The following DOCK4 variants were observed in gnomAD, a reference collection of about 807,000 sequenced individuals.
DOCK4 encodes the protein dedicator of cytokinesis 4.
In DOCK4, 97 loss-of-function variants were observed where a neutral mutation model predicts 268.1. That is an observed-to-expected ratio of 0.36 (90% CI 0.31 to 0.43). DOCK4 has a LOEUF of 0.43. DOCK4 is among the 20% of genes least tolerant of loss of function. The pLI is 1.00. For missense variants in DOCK4, 2,145 were observed against 2,455.7 expected (o/e 0.87, Z 2.67); for synonymous variants, 954 against 887.2 (o/e 1.08, Z -1.34).
chr7:111,793,229 G>A (rs1799671991), intron 30 of DOCK4, among the ~76,000 whole-genome samples: 1 of 152,204 alleles, frequency 6.6e-6, no homozygotes, highest in Non-Finnish European at 1.5e-5. Context: ...TAGATTTGAA[G>A]GGCCATGTTG....
Position 111,755,582 on chromosome 7 carries a change from G to C in DOCK4, c.4349C>G (p.Thr1450Arg). 6.2e-7 allele frequency: 1 copy of C among 1,613,652 alleles called. No homozygotes were observed. The highest frequency in any genetic ancestry group is 8.5e-7 in the Non-Finnish European group (1 of 1,179,812). The change falls in exon 42 of 53, where the codon ACG becomes AGG. Residue 1450 changes from threonine (T) to arginine (R), a missense_variant. Thr to Arg is a moderately conservative substitution (Grantham distance 71). Coordinates refer to ENST00000428084, the MANE Select transcript of DOCK4 (RefSeq NM_001363540.2). ...CAAACTCTGCACCAAGTATAATGAC[G>C]TTCTCTCCACCCAGAGACTCTACAA... ...NEFKSLWVER[T>R]SLYLVQSLPG...
In DOCK4 at chr7:111,863,517, C is replaced by A; in HGVS notation, c.2328G>T (p.Lys776Asn). Residue 776 changes from lysine (K) to asparagine (N), a missense_variant, in exon 23 of 53, where the codon AAG becomes AAT. Coordinates refer to ENST00000428084, the MANE Select transcript of DOCK4 (RefSeq NM_001363540.2). ...TGGCTACTTCCCGGACATCAAAGAGCTTCAACAGTTCTGAGTACACGGCAG... is the reference window on the plus strand; with the variant it reads ...TGGCTACTTCCCGGACATCAAAGAGATTCAACAGTTCTGAGTACACGGCAG... The part of the protein sequence containing the change: ...SFPAVYSELL[K>N]LFDVREVANL... The A allele has an allele frequency of 6.2e-7, 1 of 1,613,760 alleles. No homozygotes were observed. The highest frequency in any genetic ancestry group is 8.5e-7 in the Non-Finnish European group (1 of 1,179,794).
At chr7:111,742,554 TC>T (rs1795988673) in intron 44 of DOCK4, among the ~76,000 whole-genome samples, 1 of 12,710 alleles carries the variant, frequency 7.9e-5, no homozygotes, top group Non-Finnish European at 2.0e-4. Context: ...CATGGCACCC[TC>T]TCCCCCCACA....
chr7:111,917,897 A>C (rs1792751300), intron 12 of DOCK4, among the ~76,000 whole-genome samples: 1 of 152,162 alleles, frequency 6.6e-6, no homozygotes, highest in Non-Finnish European at 1.5e-5. Flanking sequence ...AGGTGTGAGA[A>C]TGACATCATG....
chr7:111,838,109 AAAAG>A (rs1256249673), intron 25 of DOCK4, among the ~76,000 whole-genome samples: 1 of 151,384 alleles, frequency 6.6e-6, no homozygotes, highest in Non-Finnish European at 1.5e-5. Context: ...AAAAAAAAAA[AAAAG>A]ATGTCAATTA....
intron 1 of DOCK4, among the ~76,000 whole-genome samples, chr7:112,031,382 C>T (rs1464415850): frequency 6.6e-6 from 1 of 152,178 alleles, no homozygotes; most frequent in Non-Finnish European, 1.5e-5. Flanking sequence ...CTTTAGGAAA[C>T]CTTAATTCCA....
intron 42 of DOCK4, among the ~76,000 whole-genome samples, chr7:111,749,171 T>C (rs991409054): frequency 2.6e-5 from 4 of 152,174 alleles, no homozygotes; most frequent in African/African-American, 9.7e-5. Context: ...GTTCTGTTTC[T>C]TTACCTGAAT....
chr7:112,186,541 G>A (rs1819509098), intron 1 of DOCK4, among the ~76,000 whole-genome samples: 1 of 152,142 alleles, frequency 6.6e-6, no homozygotes, highest in South Asian at 2.1e-4. Flanking sequence ...CTTGGCATAG[G>A]GCCTGACACC....
intron 35 of DOCK4, among the ~76,000 whole-genome samples, chr7:111,782,417 AAAG>A (rs1189994492): frequency 6.6e-6 from 1 of 152,232 alleles, no homozygotes; most frequent in African/African-American, 2.4e-5. Context: ...TTTGTTCACA[AAAG>A]AAGAGATCAC....
intron 1 of DOCK4, among the ~76,000 whole-genome samples, chr7:112,150,602 C>T (rs1026768389): frequency 1.3e-5 from 2 of 152,130 alleles, no homozygotes; most frequent in Non-Finnish European, 2.9e-5. Context: ...ATCCTAATAC[C>T]ATTCACAGAT....
chr7:111,777,461 T>A (rs1798519743), intron 36 of DOCK4, among the ~76,000 whole-genome samples: 1 of 152,196 alleles, frequency 6.6e-6, no homozygotes, highest in Non-Finnish European at 1.5e-5. Flanking sequence ...ATTTTTATCC[T>A]CTTAAATTCA....
chr7:112,115,895 G>A (rs1219285746), intron 1 of DOCK4, among the ~76,000 whole-genome samples: 1 of 152,124 alleles, frequency 6.6e-6, no homozygotes, highest in African/African-American at 2.4e-5. Context: ...GTCCAGGTTG[G>A]TCTCAAACTC....
At chr7:111,940,677 C>T (rs1052722086) in intron 10 of DOCK4, among the ~76,000 whole-genome samples, 5 of 152,324 alleles carry the variant, frequency 3.3e-5, no homozygotes, top group African/African-American at 7.2e-5. Context: ...GTCTGAAGTA[C>T]AGCAAGTAAG....
chr7:112,120,450 G>C (rs1812632601), intron 1 of DOCK4, among the ~76,000 whole-genome samples: 1 of 152,108 alleles, frequency 6.6e-6, no homozygotes, highest in Non-Finnish European at 1.5e-5. Flanking sequence ...CTAGACAAAA[G>C]AGAAAAAATA....
chr7:111,868,226 A>C, intron 21 of DOCK4, 72 bp from the exon 22 acceptor site: 1 of 1,208,476 alleles, frequency 8.3e-7, no homozygotes, highest in Non-Finnish European at 1.1e-6. Context: ...GACACGGCAT[A>C]AAAACCATGG....
chr7:112,170,312 T>G (rs1817977458), intron 1 of DOCK4, among the ~76,000 whole-genome samples: 1 of 151,508 alleles, frequency 6.6e-6, no homozygotes, highest in Non-Finnish European at 1.5e-5. Flanking sequence ...TAAAAAAAAA[T>G]TAGCCAGGCA....
In DOCK4 at chr7:111,728,532, C is replaced by T. The variant is rs771303494; in HGVS notation, c.5670G>A (p.Pro1890=). 7.4e-6 allele frequency: 12 copies of T among 1,613,486 alleles called. No individual in the cohort carries two copies. The South Asian group carries it at 7.7e-5, about 10-fold the overall frequency. Reference sequence around the variant, plus strand: ...CCCCGCCGTAGCTCGGCACGGGCACCGGCACTGGCACCGGCAGGGGGGCCG... The same window carrying T: ...CCCCGCCGTAGCTCGGCACGGGCACTGGCACTGGCACCGGCAGGGGGGCCG... ...EQSAPLPVPV[P]VPVPSYGGEE... Residue 1890 remains proline (P), a synonymous_variant, in exon 53 of 53, where the codon CCG becomes CCA. Coordinates refer to ENST00000428084, the MANE Select transcript of DOCK4 (RefSeq NM_001363540.2).
intron 1 of DOCK4, among the ~76,000 whole-genome samples, chr7:112,042,798 G>C (rs1243113644): frequency 6.6e-6 from 1 of 152,140 alleles, no homozygotes; most frequent in Non-Finnish European, 1.5e-5. Flanking sequence ...GGCACGGTTG[G>C]GAGGTGGTGG....
At chr7:111,952,545 T>C (rs1446588015) in intron 8 of DOCK4, among the ~76,000 whole-genome samples, 1 of 152,234 alleles carries the variant, frequency 6.6e-6, no homozygotes, top group Non-Finnish European at 1.5e-5. Context: ...ATCACTTTTA[T>C]AGTTCACCTC....
Sources: allele counts gnomAD v4.1 joint callset (sites outside exome capture counted in the v4.1 genomes callset), GRCh38; gene constraint gnomAD v4.1.1; transcripts MANE v1.5; gene names NCBI Gene and HGNC (gene_info 2026-07-23, HGNC 2026-07-21).